The following MTAP variants were observed in gnomAD, a reference collection of about 807,000 sequenced individuals.
The protein encoded by MTAP is S-methyl-5'-thioadenosine phosphorylase.
A neutral mutation model predicts 33.6 loss-of-function variants in MTAP; 33 were observed. The observed-to-expected ratio is 0.98, with a 90% CI of 0.74 to 1.31. The LOEUF (loss-of-function observed/expected upper bound fraction) is 1.31. Among genes scored for constraint, MTAP ranks in the 40% most tolerant of loss-of-function variants. MTAP has a pLI of 0.00. For synonymous variants in MTAP, 148 were observed against 125.7 expected (o/e 1.18, Z -1.19); for missense variants, 367 against 360.0 (o/e 1.02, Z -0.16).
intron 2 of MTAP, 85 bp from the exon 3 acceptor site, chr9:21,816,629 T>G: frequency 9.7e-6 from 11 of 1,134,782 alleles, no homozygotes; most frequent in Non-Finnish European, 1.3e-5. Flanking sequence ...TCAGATTCCA[T>G]GAGTCCTGTT....
chr9:21,832,227 T>A lies in MTAP; in HGVS notation c.348-5681T>A, dbSNP rs79076575. ...GGATCAGTTATGTCAGTCTGTTTCC[T>A]TCTCCCAGAGACCAGCCCTGCCTTG... On this transcript the variant is annotated intron_variant, in intron 4 of 7. Transcript: ENST00000644715. Among the ~76,000 whole-genome samples, 953 of 152,342 alleles carry A rather than the reference T, an allele frequency of 6.3e-3. 22 individuals carry two copies. Among genetic ancestry groups the A allele is most frequent in the East Asian group, 0.055 (286 of 5,190 alleles).
chr9:21,891,529 A>G (rs1818200593), intron 1 of MTAP, among the ~76,000 whole-genome samples: 1 of 152,200 alleles, frequency 6.6e-6, no homozygotes, highest in Non-Finnish European at 1.5e-5. Context: ...AAACCAAGCT[A>G]TGGAAATAAA....
intron 1 of MTAP, chr9:21,803,074 C>G (rs975936049): frequency 8.0e-6 from 6 of 752,150 alleles, no homozygotes; most frequent in Non-Finnish European, 1.2e-5. Context: ...CCCTGTAGGG[C>G]GTAGGCACCC....
At chr9:21,939,327 T>C (rs1819096803), downstream of MTAP, among the ~76,000 whole-genome samples, 1 of 152,198 alleles carries the variant, frequency 6.6e-6, no homozygotes, top group African/African-American at 2.4e-5. Context: ...ATAATGATAA[T>C]TTTATGACTT....
rs1238950228 is a variant in MTAP at position 21,842,719 on chromosome 9, GCCAC to G, written c.450+4710_450+4713del. ...AGACAAACAAATGCTGAGAGAATTT[GCCAC>G]TATTGAGCCAACACTACAAGAAATG... On this transcript the variant is annotated intron_variant, in intron 5 of 7. Coordinates refer to ENST00000644715, the MANE Select transcript of MTAP (RefSeq NM_002451.4). Among the ~76,000 whole-genome samples the G allele has an allele frequency of 2.6e-5, 4 of 152,260 alleles. No individual in the cohort carries two copies. The East Asian group carries it at 7.7e-4, about 29-fold the overall frequency.
chr9:21,808,153 T>G (rs1470134256), intron 1 of MTAP, among the ~76,000 whole-genome samples: 1 of 152,226 alleles, frequency 6.6e-6, no homozygotes, highest in African/African-American at 2.4e-5. Context: ...AATATTCAGA[T>G]GTCCACCGAA....
intron 1 of MTAP, chr9:21,892,741 A>C (rs1818220159): frequency 6.6e-6 from 1 of 152,214 alleles, no homozygotes; most frequent in Admixed American, 6.5e-5. Flanking sequence ...TAACAAAGAT[A>C]TTCAGGACCT....
chr9:21,908,589 C>T lies in MTAP; in HGVS notation c.148-22419C>T, dbSNP rs76323938. Among the ~76,000 whole-genome samples, 352 of 152,094 alleles carry T rather than the reference C, an allele frequency of 2.3e-3. 1 individual carries two copies. Among genetic ancestry groups the T allele is most frequent in the African/African-American group, 7.7e-3 (320 of 41,528 alleles). On this transcript the variant is annotated intron_variant, in intron 1 of 1. Coordinates refer to the MTAP transcript ENST00000577563. ...ATATAGTAGATCATGTTTTTAAATC[C>T]GCTCTGACAATCTCTGTCTTTTAAT...
intron 1 of MTAP, among the ~76,000 whole-genome samples, chr9:21,915,533 A>G (rs1444081274): frequency 6.6e-6 from 1 of 152,084 alleles, no homozygotes; most frequent in African/African-American, 2.4e-5. Flanking sequence ...AAGTTTTGGC[A>G]TAGGTATATT....
intron 1 of MTAP, among the ~76,000 whole-genome samples, chr9:21,873,454 T>C (rs1255466138): frequency 1.3e-5 from 2 of 152,106 alleles, no homozygotes; most frequent in Non-Finnish European, 2.9e-5. Flanking sequence ...GTTTCCTTCA[T>C]GAATGAGATT....
At chr9:21,885,276 A>G (rs1007632302) in intron 1 of MTAP, among the ~76,000 whole-genome samples, 2 of 152,190 alleles carry the variant, frequency 1.3e-5, no homozygotes, top group African/African-American at 4.8e-5. Flanking sequence ...ATTATTTCCA[A>G]AGAATACTTT....
At chr9:21,912,782 G>A (rs1374174676) in intron 1 of MTAP, among the ~76,000 whole-genome samples, 1 of 152,196 alleles carries the variant, frequency 6.6e-6, no homozygotes, top group African/African-American at 2.4e-5. Flanking sequence ...GTTCTGGCCA[G>A]GGCAATCAGG....
intron 7 of MTAP, 52 bp from the exon 8 acceptor site, chr9:21,861,924 C>A: frequency 6.0e-6 from 6 of 994,128 alleles, no homozygotes; most frequent in Middle Eastern, 2.1e-4. Flanking sequence ...TAACAAACAT[C>A]TCAGTAATTA....
chr9:21,924,199 A>C (rs1030097152), intron 1 of MTAP, among the ~76,000 whole-genome samples: 1 of 152,186 alleles, frequency 6.6e-6, no homozygotes, highest in Non-Finnish European at 1.5e-5. Context: ...TCAGGAAAGG[A>C]TAATAGGGAA....
intron 1 of MTAP, among the ~76,000 whole-genome samples, chr9:21,912,811 G>C (rs1305553366): frequency 1.3e-5 from 2 of 152,074 alleles, no homozygotes; most frequent in African/African-American, 2.4e-5. Flanking sequence ...AGATATAAAG[G>C]GTATTCACTT....
chr9:21,837,785 G>T, intron 4 of MTAP, 123 bp from the exon 5 acceptor site: 1 of 727,294 alleles, frequency 1.4e-6, no homozygotes, highest in Non-Finnish European at 2.3e-6. Flanking sequence ...TTATCCAGAG[G>T]AATTGAGTCT....
At chr9:21,802,833 G>T (rs769628789) in intron 1 of MTAP, 52 bp downstream of exon 1, 34 of 1,605,442 alleles carry the variant, frequency 2.1e-5, no homozygotes, top group Non-Finnish European at 2.7e-5. Flanking sequence ...ATGCCTTCTC[G>T]CCCCCGCGCC....
intron 4 of MTAP, among the ~76,000 whole-genome samples, chr9:21,827,299 A>C (rs1357589916): frequency 3.3e-5 from 5 of 152,148 alleles, no homozygotes; most frequent in Non-Finnish European, 5.9e-5. Context: ...CCCATCAGTT[A>C]TCTCTGAGCT....
At chr9:21,919,815 T>A (rs1818759002) in intron 1 of MTAP, among the ~76,000 whole-genome samples, 1 of 152,072 alleles carries the variant, frequency 6.6e-6, no homozygotes, top group South Asian at 2.1e-4. Flanking sequence ...AGCCAGAGAA[T>A]GTTCATCAAC....
Sources: gnomAD v4.1 joint callset for allele counts (sites outside exome capture counted in the v4.1 genomes callset) on GRCh38, gnomAD v4.1.1 for gene constraint, MANE v1.5 for transcripts, NCBI Gene and HGNC (gene_info 2026-07-23, HGNC 2026-07-21) for gene names.